The following PAK2 variants were observed in gnomAD, a reference collection of about 807,000 sequenced individuals.
PAK2 encodes p21 (RAC1) activated kinase 2.
Under a neutral mutation model 65.9 loss-of-function variants are expected in PAK2, and 21 were observed. The observed-to-expected ratio is 0.32, with a 90% confidence interval of 0.23 to 0.46. PAK2 has a LOEUF of 0.46. PAK2 is among the 20% of genes least tolerant of loss of function. The pLI, the probability that PAK2 is intolerant of heterozygous loss-of-function variation, is 1.00. For missense variants in PAK2, 324 were observed against 642.6 expected, an observed-to-expected ratio of 0.50 and a Z score of 5.36; for synonymous variants, 204 against 219.7, an observed-to-expected ratio of 0.93 and a Z score of 0.63.
chr3:196,782,940 A>G (rs1449566880), intron 2 of PAK2, 107 bp downstream of exon 2: 4 of 635,802 alleles, frequency 6.3e-6, no homozygotes, highest in East Asian at 2.8e-5. Flanking sequence ...CATGAAAACA[A>G]TCGGTGCTAA....
At chr3:196,790,496 A>G (rs1222613233) in intron 2 of PAK2, among the ~76,000 whole-genome samples, 3 of 151,484 alleles carry the variant, frequency 2.0e-5, no homozygotes, top group African/African-American at 7.3e-5. Context: ...TGCCTGGTGA[A>G]CCTCCCGTAG....
chr3:196,745,366 T>C (rs1005938785), intron 1 of PAK2, among the ~76,000 whole-genome samples: 1 of 150,104 alleles, frequency 6.7e-6, no homozygotes, highest in African/African-American at 2.5e-5. Context: ...TCAGGTGATC[T>C]GCCTGCCTTG....
rs377588216 is a variant in PAK2, at chr3:196,742,726, A to G, written c.-22+2569A>G. Among the ~76,000 whole-genome samples, 937 of 152,150 alleles carry G rather than the reference A, an allele frequency of 6.2e-3. 14 individuals are homozygous for G. Among genetic ancestry groups the G allele is most frequent in the African/African-American group, 0.021 (873 of 41,520 alleles). ...TCAGGAGATCAAGACCATCCTGGCT[A>G]ACACAGTGAAACCCCGTCTCTACTA... On this transcript the variant is annotated intron_variant, in intron 1 of 14. Coordinates refer to ENST00000327134, the MANE Select transcript of PAK2 (RefSeq NM_002577.4).
At chr3:196,767,260 T>C (rs888620172) in intron 1 of PAK2, among the ~76,000 whole-genome samples, 4 of 152,112 alleles carry the variant, frequency 2.6e-5, no homozygotes, top group African/African-American at 9.7e-5. Context: ...TGTATTTTTG[T>C]GAGTATATCC....
intron 7 of PAK2, among the ~76,000 whole-genome samples, chr3:196,809,334 GTTA>G (rs928491813): frequency 3.4e-4 from 44 of 130,826 alleles, no homozygotes; most frequent in African/African-American, 1.0e-3. Context: ...CTCTTACTCT[GTTA>G]TTATTATTAT....
Position 196,793,107 on chromosome 3 carries a change from G to A in PAK2, c.188-8820G>A, listed in dbSNP as rs545950356. 6.6e-5 allele frequency among the ~76,000 whole-genome samples: 10 copies of A among 152,172 alleles called. 1 individual carries two copies. The highest frequency in any genetic ancestry group is 2.1e-4 in the South Asian group (1 of 4,818). ...GGGGGATTAGTTGAAAATCAACATC[G>A]AAAGTGTCAAAGGCCCCCCAGGACT... On this transcript the variant is annotated intron_variant, in intron 2 of 14. Coordinates refer to ENST00000327134, the MANE Select transcript of PAK2 (RefSeq NM_002577.4).
rs1381125695 is a variant in PAK2, at chr3:196,739,958, C to G, written c.-221C>G. 1 of 152,094 alleles carries G rather than the reference C, an allele frequency of 6.6e-6. No individual in the cohort carries two copies. The highest frequency in any genetic ancestry group is 1.9e-4 in the East Asian group (1 of 5,156). 9.4% of individuals were successfully genotyped at this position (152,094 alleles called of 1,614,324 possible). A position where few individuals can be genotyped will look rare whatever the true frequency, so the allele number is the denominator to read the frequency against. ...ATTGCCGAAGGCTCCCTCCCCTCCC[C>G]TCCCTGGCGTGCGCAGGACTCCGCC... On this transcript the variant is annotated 5_prime_UTR_variant, in exon 1 of 15. Transcript: ENST00000327134.
At chr3:196,744,725 T>TAA (rs1387183748) in intron 1 of PAK2, among the ~76,000 whole-genome samples, 1 of 152,200 alleles carries the variant, frequency 6.6e-6, no homozygotes, top group East Asian at 1.9e-4. Flanking sequence ...TATCATGACA[T>TAA]ATAGTGGCAC....
chr3:196,795,957 C>G (rs1715245957), intron 2 of PAK2, among the ~76,000 whole-genome samples: 1 of 152,220 alleles, frequency 6.6e-6, no homozygotes. Flanking sequence ...CGAGATGAAA[C>G]TGTTCCATCT....
chr3:196,818,523 C>T (rs1019849420), intron 12 of PAK2, among the ~76,000 whole-genome samples: 8 of 152,274 alleles, frequency 5.3e-5, no homozygotes, highest in South Asian at 4.1e-4. Flanking sequence ...TGCACCACCA[C>T]ACCCAGCTAA....
rs916449252 is a variant in PAK2, at chr3:196,830,543, A to G, written c.*2138A>G. The G allele has an allele frequency of 4.6e-5, 7 of 152,226 alleles. No individual in the cohort carries two copies. The highest frequency in any genetic ancestry group is 4.1e-4 in the South Asian group (2 of 4,830). 9.4% of individuals were successfully genotyped at this position (152,226 alleles called of 1,614,324 possible). On this transcript the variant is annotated 3_prime_UTR_variant, in exon 15 of 15. Transcript: ENST00000327134. The stretch of plus-strand genomic sequence containing the variant: ...AAGTCAAAGACCATCCTCACTGACT[A>G]TGTGCCAACGCCTCGTTTCAGGCTT...
chr3:196,782,272 C>G (rs1163637208), intron 1 of PAK2, among the ~76,000 whole-genome samples: 1 of 148,834 alleles, frequency 6.7e-6, no homozygotes, highest in Non-Finnish European at 1.5e-5. Context: ...ATTTGCTGGT[C>G]AGAACATATT....
rs189478946 is a variant in PAK2 at position 196,823,572 on chromosome 3, A to C, written c.1350+3005A>C. Among the ~76,000 whole-genome samples the C allele has an allele frequency of 7.2e-3, 1,086 of 151,414 alleles. 7 individuals carry two copies. The highest frequency in any genetic ancestry group is 0.037 in the Middle Eastern group (11 of 294). On this transcript the variant is annotated intron_variant, in intron 13 of 14. Transcript: ENST00000327134. The stretch of plus-strand genomic sequence containing the variant: ...ACAAACAAACAAACAAACAAACAAA[A>C]AAAACACCTTGGGCCGGGCACGGTG...
chr3:196,778,060 G>A (rs763414161), intron 1 of PAK2, among the ~76,000 whole-genome samples: 1 of 151,772 alleles, frequency 6.6e-6, no homozygotes, highest in Non-Finnish European at 1.5e-5. Context: ...TCACTCCTTA[G>A]CAACCACTCA....
chr3:196,785,753 A>G (rs927448248), intron 2 of PAK2, among the ~76,000 whole-genome samples: 13 of 152,320 alleles, frequency 8.5e-5, no homozygotes, highest in Non-Finnish European at 1.6e-4. Context: ...CCTCACAATT[A>G]TGGCGGAAGG....
intron 8 of PAK2, among the ~76,000 whole-genome samples, chr3:196,811,428 C>G (rs1159715862): frequency 1.1e-5 from 1 of 90,026 alleles, no homozygotes; most frequent in Non-Finnish European, 2.0e-5. Context: ...GTCACTCAGG[C>G]TGGAGTGCAG....
At chr3:196,787,175 C>G (rs1714917056) in intron 2 of PAK2, among the ~76,000 whole-genome samples, 1 of 152,100 alleles carries the variant, frequency 6.6e-6, no homozygotes, top group Non-Finnish European at 1.5e-5. Flanking sequence ...CCAGATTCTT[C>G]TTCAGAATCC....
chr3:196,789,202 G>T (rs962164586), intron 2 of PAK2, among the ~76,000 whole-genome samples: 1 of 152,168 alleles, frequency 6.6e-6, no homozygotes, highest in Non-Finnish European at 1.5e-5. Flanking sequence ...ATGTCAGTGA[G>T]CCATTTGACT....
At chr3:196,764,688 T>G (rs141571982) in intron 1 of PAK2, among the ~76,000 whole-genome samples, 1 of 151,858 alleles carries the variant, frequency 6.6e-6, no homozygotes, top group Non-Finnish European at 1.5e-5. Context: ...CTAATTTAAT[T>G]TAATTTAATT....
Sources: allele counts gnomAD v4.1 joint callset (sites outside exome capture counted in the v4.1 genomes callset), GRCh38; gene constraint gnomAD v4.1.1; transcripts MANE v1.5; gene names NCBI Gene and HGNC (gene_info 2026-07-23, HGNC 2026-07-21).